LTBP1: variants seen among roughly 807,000 people sequenced by gnomAD.
The protein encoded by LTBP1 is latent transforming growth factor beta binding protein 1.
A neutral mutation model predicts 207.6 loss-of-function variants in LTBP1; 129 were observed. The ratio of observed to expected loss-of-function variants is 0.62; its 90% CI spans 0.54 to 0.72. The LOEUF (loss-of-function observed/expected upper bound fraction) is 0.72, where lower values mean the gene tolerates loss of function less well. LTBP1 is among the 30% of genes least tolerant of loss of function. The pLI, the probability that LTBP1 is intolerant of heterozygous loss-of-function variation, is 0.00. For missense variants in LTBP1, 2,281 were observed against 2,217.2 expected, an observed-to-expected ratio of 1.03 and a Z score of -0.58; for synonymous variants, 963 against 833.7, an observed-to-expected ratio of 1.16 and a Z score of -2.67.
intron 22 of LTBP1, among the ~76,000 whole-genome samples, chr2:33,302,446 T>A (rs1196305806): frequency 6.6e-6 from 1 of 152,178 alleles, no homozygotes; most frequent in South Asian, 2.1e-4. Flanking sequence ...TTTTGGTGAA[T>A]GGTTTCATGA....
chr2:33,126,224 A>G (rs968744131), intron 4 of LTBP1, among the ~76,000 whole-genome samples: 3 of 151,768 alleles, frequency 2.0e-5, no homozygotes, highest in African/African-American at 7.3e-5. Context: ...GCATCATTCC[A>G]TTTTTTTCTG....
At chr2:33,278,085 G>C (rs2093483782) in intron 18 of LTBP1, among the ~76,000 whole-genome samples, 1 of 151,654 alleles carries the variant, frequency 6.6e-6, no homozygotes, top group Non-Finnish European at 1.5e-5. Flanking sequence ...GCCAGCCTCA[G>C]CCTCCCAAAG....
intron 19 of LTBP1, among the ~76,000 whole-genome samples, chr2:33,282,084 T>C (rs1027190069): frequency 2.8e-5 from 4 of 144,642 alleles, no homozygotes; most frequent in East Asian, 1.9e-4. Flanking sequence ...TATATATATA[T>C]ATATAAACTT....
intron 5 of LTBP1, among the ~76,000 whole-genome samples, chr2:33,176,504 C>T (rs61609498): frequency 1.3e-5 from 2 of 152,058 alleles, no homozygotes; most frequent in Non-Finnish European, 2.9e-5. Context: ...AGATTACAGT[C>T]GTGAGCCACC....
At chr2:33,284,093 T>G (rs2093616902) in intron 19 of LTBP1, among the ~76,000 whole-genome samples, 1 of 152,226 alleles carries the variant, frequency 6.6e-6, no homozygotes. Flanking sequence ...ACTTTCTGCT[T>G]CTTTCACAGA....
chr2:33,101,563 A>G (rs2079742678), intron 3 of LTBP1, among the ~76,000 whole-genome samples: 1 of 152,198 alleles, frequency 6.6e-6, no homozygotes, highest in Non-Finnish European at 1.5e-5. Flanking sequence ...TCCCATGATA[A>G]GTGGTAGAGC....
chr2:33,273,922 G>A, intron 16 of LTBP1, 141 bp downstream of exon 16: 1 of 581,424 alleles, frequency 1.7e-6, no homozygotes, highest in Non-Finnish European at 2.6e-6. Flanking sequence ...AGCTAAGGGA[G>A]CTCAAAAAAA....
At chr2:33,205,246 C>T (rs910555250) in intron 7 of LTBP1, among the ~76,000 whole-genome samples, 2 of 152,216 alleles carry the variant, frequency 1.3e-5, no homozygotes, top group African/African-American at 4.8e-5. Flanking sequence ...CTCTCTGTTC[C>T]TTAAATCTTT....
intron 24 of LTBP1, among the ~76,000 whole-genome samples, chr2:33,340,215 GC>G (rs1260641953): frequency 1.4e-5 from 2 of 144,496 alleles, no homozygotes; most frequent in Non-Finnish European, 1.5e-5. Context: ...CAGAGATCGC[GC>G]CCCTGCACTC....
At chr2:33,227,727 G>C (rs2091519689) in intron 9 of LTBP1, among the ~76,000 whole-genome samples, 1 of 151,434 alleles carries the variant, frequency 6.6e-6, no homozygotes, top group African/African-American at 2.4e-5. Context: ...GAACCCAGAG[G>C]CCCAATTTTT....
chr2:33,018,551 T>A (rs1688709803), intron 2 of LTBP1, among the ~76,000 whole-genome samples: 1 of 152,192 alleles, frequency 6.6e-6, no homozygotes, highest in Admixed American at 6.5e-5. Context: ...TTCTCTTGGG[T>A]GGATCCCATT....
At chr2:33,208,914 C>T (rs1048313436) in intron 7 of LTBP1, among the ~76,000 whole-genome samples, 4 of 140,200 alleles carry the variant, frequency 2.9e-5, no homozygotes, top group Non-Finnish European at 6.0e-5. Flanking sequence ...GTCTCCCAGG[C>T]TGGAGTGCAG....
rs912808763 is a variant in LTBP1 at position 33,138,912 on chromosome 2, G to A, written c.1201+3952G>A. Among the ~76,000 whole-genome samples, 9 of 131,660 alleles carry A rather than the reference G, an allele frequency of 6.8e-5. No homozygotes were observed. The South Asian group carries it at 1.5e-3, about 22-fold the overall frequency. 86.4% of individuals were successfully genotyped at this position (131,660 alleles called of 152,430 possible). A position where few individuals can be genotyped will look rare whatever the true frequency, so the allele number is the denominator to read the frequency against. On this transcript the variant is annotated intron_variant, in intron 5 of 33. Transcript: ENST00000404816. ...CTCGCTCTGTCGCCCAGGCTGGAGT[G>A]CAGTGGCGCGATCTCGGCTCACTGC... is the stretch of plus-strand genomic sequence containing the variant.
chr2:33,268,430 T>C (rs2093238263), intron 15 of LTBP1, among the ~76,000 whole-genome samples: 1 of 152,200 alleles, frequency 6.6e-6, no homozygotes, highest in African/African-American at 2.4e-5. Context: ...AGTGATTATA[T>C]CTTTACGATG....
At chr2:33,249,508 A>G (rs1171271119) in intron 10 of LTBP1, among the ~76,000 whole-genome samples, 1 of 152,198 alleles carries the variant, frequency 6.6e-6, no homozygotes, top group African/African-American at 2.4e-5. Flanking sequence ...AACCCGAATA[A>G]TAGTATCTTA....
In LTBP1 at chr2:33,228,792, TG is replaced by T. The variant is rs2091613776; in HGVS notation, c.1876+6644del. Among the ~76,000 whole-genome samples the T allele has an allele frequency of 2.1e-5, 3 of 145,976 alleles. No individual in the cohort carries two copies. In the Admixed American group the frequency reaches 2.1e-4, roughly 10 times the overall value. Reference sequence around the variant, plus strand: ...TCGGCTCACTGCAATCTCCGCCTCCTGGGTTCAAGCGATTCCCCTGCCTCGG... The same window carrying T: ...TCGGCTCACTGCAATCTCCGCCTCCTGGTTCAAGCGATTCCCCTGCCTCGG... On this transcript the variant is annotated intron_variant, in intron 9 of 33. Transcript: ENST00000404816.
At chr2:33,028,417 C>G (rs1472954773) in intron 3 of LTBP1, among the ~76,000 whole-genome samples, 2 of 152,142 alleles carry the variant, frequency 1.3e-5, no homozygotes, top group African/African-American at 4.8e-5. Flanking sequence ...CACCTGTAAT[C>G]CCTGCACTTT....
chr2:33,065,601 C>G (rs1168003724), intron 3 of LTBP1, among the ~76,000 whole-genome samples: 1 of 151,900 alleles, frequency 6.6e-6, no homozygotes, highest in Non-Finnish European at 1.5e-5. Flanking sequence ...GGTGTATTAG[C>G]CTTTTTCTAT....
chr2:33,077,928 T>C (rs1268284991), intron 3 of LTBP1, among the ~76,000 whole-genome samples: 1 of 152,156 alleles, frequency 6.6e-6, no homozygotes, highest in Non-Finnish European at 1.5e-5. Context: ...ATCAGTCCAC[T>C]GAAAGCAGGA....
Sources: allele counts gnomAD v4.1 joint callset (sites outside exome capture counted in the v4.1 genomes callset), GRCh38; gene constraint gnomAD v4.1.1; transcripts MANE v1.5; gene names NCBI Gene and HGNC (gene_info 2026-07-23, HGNC 2026-07-21).